The following TMCC1 variants were observed in gnomAD, a reference collection of about 807,000 sequenced individuals.
TMCC1 encodes the protein transmembrane and coiled-coil domain family 1, also known as transmembrane and coiled-coil domains protein 1.
A neutral mutation model predicts 52.4 loss-of-function variants in TMCC1; 15 were observed. That is an observed-to-expected ratio of 0.29 (90% CI 0.19 to 0.44). The LOEUF (loss-of-function observed/expected upper bound fraction) is 0.44. TMCC1 is among the 20% of genes least tolerant of loss of function. The pLI is 1.00. For missense variants in TMCC1, 503 were observed against 806.0 expected, an observed-to-expected ratio of 0.62 and a Z score of 4.55; for synonymous variants, 279 against 301.9, an observed-to-expected ratio of 0.92 and a Z score of 0.79.
chr3:129,729,434 C>T (rs1415970375), intron 4 of TMCC1, among the ~76,000 whole-genome samples: 1 of 152,064 alleles, frequency 6.6e-6, no homozygotes, highest in African/African-American at 2.4e-5. Flanking sequence ...AGACATTTGA[C>T]CATGTATTAT....
chr3:129,780,852 A>G (rs558470732), intron 4 of TMCC1, among the ~76,000 whole-genome samples: 64 of 152,254 alleles, frequency 4.2e-4, no homozygotes, highest in Middle Eastern at 3.4e-3. Flanking sequence ...TTCACTTTCC[A>G]TAACATTCAG....
chr3:129,892,410 C>A (rs1413736302), intron 1 of TMCC1, among the ~76,000 whole-genome samples: 1 of 152,200 alleles, frequency 6.6e-6, no homozygotes, highest in Non-Finnish European at 1.5e-5. Context: ...AAACTACCAC[C>A]TACTCACAAT....
intron 1 of TMCC1, chr3:129,892,822 T>A (rs1254473107): frequency 1.3e-5 from 2 of 152,170 alleles, no homozygotes; most frequent in African/African-American, 4.8e-5. Context: ...TCGCAAGCTA[T>A]AAACGAATCT....
intron 5 of TMCC1, among the ~76,000 whole-genome samples, chr3:129,662,598 A>C (rs908707575): frequency 2.0e-5 from 3 of 152,180 alleles, no homozygotes; most frequent in African/African-American, 4.8e-5. Flanking sequence ...AGACTGTACC[A>C]CTGCACTCCA....
chr3:129,711,008 C>T (rs148932871), intron 4 of TMCC1, among the ~76,000 whole-genome samples: 2,526 of 152,218 alleles, frequency 0.017, 69 homozygotes, highest in African/African-American at 0.058. Flanking sequence ...GGATTACAGG[C>T]GCCTGCCACC....
At chr3:129,690,219 T>C (rs2046928993) in intron 4 of TMCC1, among the ~76,000 whole-genome samples, 1 of 152,216 alleles carries the variant, frequency 6.6e-6, no homozygotes, top group Non-Finnish European at 1.5e-5. Flanking sequence ...AGAGAATCCA[T>C]ATTTTTTGCC....
chr3:129,870,883 A>G (rs1159749388), intron 2 of TMCC1, among the ~76,000 whole-genome samples: 11 of 152,124 alleles, frequency 7.2e-5, no homozygotes, highest in Non-Finnish European at 1.2e-4. Context: ...TGGATACAAC[A>G]TAGATATAAT....
chr3:129,778,997 T>G (rs2055290691), intron 4 of TMCC1, among the ~76,000 whole-genome samples: 1 of 152,148 alleles, frequency 6.6e-6, no homozygotes, highest in Non-Finnish European at 1.5e-5. Context: ...GTAGTTTGTT[T>G]TTTTTTGTGG....
chr3:129,690,084 C>G (rs1560196930), intron 4 of TMCC1, among the ~76,000 whole-genome samples: 2 of 152,158 alleles, frequency 1.3e-5, no homozygotes, highest in Admixed American at 6.5e-5. Context: ...GTAATCTCAC[C>G]ACTTAGAAGA....
intron 4 of TMCC1, among the ~76,000 whole-genome samples, chr3:129,714,245 T>C (rs2048905852): frequency 6.6e-6 from 1 of 152,326 alleles, no homozygotes; most frequent in Non-Finnish European, 1.5e-5. Context: ...TTGGGTAGAC[T>C]GATAGTGTAA....
chr3:129,821,124 C>T (rs1390557065), intron 4 of TMCC1, among the ~76,000 whole-genome samples: 1 of 152,138 alleles, frequency 6.6e-6, no homozygotes, highest in African/African-American at 2.4e-5. Context: ...CAGCCTGTAT[C>T]ATTCTAAGAT....
chr3:129,878,721 G>T (rs2061334969), intron 2 of TMCC1, among the ~76,000 whole-genome samples: 1 of 152,180 alleles, frequency 6.6e-6, no homozygotes, highest in African/African-American at 2.4e-5. Context: ...AAATGCTGAA[G>T]TCCTACAAAG....
chr3:129,830,017 T>C (rs2058836456), intron 3 of TMCC1, among the ~76,000 whole-genome samples: 1 of 152,232 alleles, frequency 6.6e-6, no homozygotes, highest in African/African-American at 2.4e-5. Flanking sequence ...CATTTGTCTC[T>C]CTCTAGTACC....
At chr3:129,833,289 CTA>C (rs900251235) in intron 2 of TMCC1, among the ~76,000 whole-genome samples, 2 of 151,970 alleles carry the variant, frequency 1.3e-5, no homozygotes, top group African/African-American at 4.8e-5. Context: ...TCTAAAAATC[CTA>C]TCTTAGGCCA....
intron 4 of TMCC1, among the ~76,000 whole-genome samples, chr3:129,765,509 C>T (rs1053987014): frequency 1.3e-5 from 2 of 152,050 alleles, no homozygotes; most frequent in Admixed American, 6.5e-5. Context: ...ATAGAAAAAG[C>T]AGCTTAATTT....
At chr3:129,699,981 A>T (rs933342998) in intron 4 of TMCC1, among the ~76,000 whole-genome samples, 7 of 152,242 alleles carry the variant, frequency 4.6e-5, no homozygotes, top group Non-Finnish European at 2.9e-5. Flanking sequence ...GCTGTCCATT[A>T]CTATTTTTTT....
At chr3:129,834,812 A>T (rs2059081343) in intron 2 of TMCC1, among the ~76,000 whole-genome samples, 1 of 152,244 alleles carries the variant, frequency 6.6e-6, no homozygotes, top group Non-Finnish European at 1.5e-5. Context: ...GCATCTGATA[A>T]AATGAGTATT....
chr3:129,823,208 C>G (rs2107822110), intron 4 of TMCC1, among the ~76,000 whole-genome samples: 1 of 152,198 alleles, frequency 6.6e-6, no homozygotes, highest in African/African-American at 2.4e-5. Flanking sequence ...CGCCTGTAAT[C>G]TCAGCTACTT....
At chr3:129,864,718 G>A (rs1163914095) in intron 2 of TMCC1, among the ~76,000 whole-genome samples, 1 of 152,088 alleles carries the variant, frequency 6.6e-6, no homozygotes, top group East Asian at 1.9e-4. Flanking sequence ...TTCTAGCCTG[G>A]GTGATGGGAG....
Sources: gnomAD v4.1 joint callset for allele counts (sites outside exome capture counted in the v4.1 genomes callset) on GRCh38, gnomAD v4.1.1 for gene constraint, MANE v1.5 for transcripts, NCBI Gene and HGNC (gene_info 2026-07-23, HGNC 2026-07-21) for gene names.